PDLIM5: variants seen among roughly 807,000 people sequenced by gnomAD.
The protein encoded by PDLIM5 is PDZ and LIM domain protein 5.
In PDLIM5, 34 loss-of-function variants were observed where a neutral mutation model predicts 64.2. That is an observed-to-expected ratio of 0.53 (90% CI 0.40 to 0.71). PDLIM5 has a LOEUF of 0.71. Ranked by LOEUF, PDLIM5 falls within the 30% of genes least tolerant of loss-of-function variation. PDLIM5 has a pLI of 0.00. For missense variants in PDLIM5, 683 were observed against 733.6 expected (o/e 0.93, Z 0.80); for synonymous variants, 253 against 269.1 (o/e 0.94, Z 0.59).
intron 2 of PDLIM5, among the ~76,000 whole-genome samples, chr4:94,478,084 C>T (rs559924546): frequency 3.0e-4 from 46 of 151,822 alleles, no homozygotes; most frequent in African/African-American, 1.0e-3. Context: ...GGTGAAACCC[C>T]GTCTCTACTA....
chr4:94,608,941 A>C (rs2110369438), intron 7 of PDLIM5, among the ~76,000 whole-genome samples: 1 of 152,302 alleles, frequency 6.6e-6, no homozygotes, highest in South Asian at 2.1e-4. Context: ...ACTTAGCCAT[A>C]CAGTTTAATT....
chr4:94,665,420 G>T lies in PDLIM5; in HGVS notation c.*1353G>T, dbSNP rs953478308. ...TTCTTGAACCCAGGAGACGGAAGTTGCAGTGAGCTGAGATCACACCACTGC... is the reference window on the plus strand; with the variant it reads ...TTCTTGAACCCAGGAGACGGAAGTTTCAGTGAGCTGAGATCACACCACTGC... On this transcript the variant is annotated 3_prime_UTR_variant, in exon 13 of 13. Transcript: ENST00000317968. 1 of 483,280 alleles carries T rather than the reference G, an allele frequency of 2.1e-6. No homozygotes were observed. The highest frequency in any genetic ancestry group is 2.7e-6 in the Non-Finnish European group (1 of 376,972). 29.9% of individuals were successfully genotyped at this position (483,280 alleles called of 1,614,324 possible).
intron 3 of PDLIM5, among the ~76,000 whole-genome samples, chr4:94,565,415 G>A (rs1336769100): frequency 6.6e-6 from 1 of 152,156 alleles, no homozygotes; most frequent in Non-Finnish European, 1.5e-5. Flanking sequence ...TGCTCAGTAT[G>A]CAGCCCCCTG....
chr4:94,638,967 A>G (rs1740787955), intron 8 of PDLIM5, among the ~76,000 whole-genome samples: 1 of 152,248 alleles, frequency 6.6e-6, no homozygotes, highest in Admixed American at 6.5e-5. Context: ...GTAACACATT[A>G]ACAGAAAATT....
chr4:94,606,970 C>G (rs1578460460), intron 7 of PDLIM5, among the ~76,000 whole-genome samples: 1 of 152,284 alleles, frequency 6.6e-6, no homozygotes, highest in East Asian at 1.9e-4. Context: ...AATATGAAAA[C>G]TATTCTTAGG....
intron 3 of PDLIM5, among the ~76,000 whole-genome samples, chr4:94,532,667 T>C (rs1483032794): frequency 6.6e-6 from 1 of 152,152 alleles, no homozygotes; most frequent in Non-Finnish European, 1.5e-5. Context: ...TTCAGTGGTA[T>C]ACTGAGTTGA....
At chr4:94,587,735 A>G in intron 7 of PDLIM5, 1 of 984,260 alleles carries the variant, frequency 1.0e-6, no homozygotes, top group Non-Finnish European at 1.2e-6. Flanking sequence ...ATGGAGAAAT[A>G]CAGTATTCTT....
At chr4:94,490,542 T>A (rs755080403) in intron 2 of PDLIM5, among the ~76,000 whole-genome samples, 1 of 152,156 alleles carries the variant, frequency 6.6e-6, no homozygotes, top group Non-Finnish European at 1.5e-5. Flanking sequence ...GTCAAATTAA[T>A]TGATTTTGGA....
intron 5 of PDLIM5, among the ~76,000 whole-genome samples, chr4:94,583,170 C>T (rs1735876997): frequency 6.6e-6 from 1 of 152,014 alleles, no homozygotes; most frequent in African/African-American, 2.4e-5. Context: ...ATGGTCATCA[C>T]ACTCTGGAGT....
intron 9 of PDLIM5, among the ~76,000 whole-genome samples, chr4:94,640,686 C>A (rs182822338): frequency 7.2e-4 from 109 of 152,172 alleles, no homozygotes; most frequent in African/African-American, 2.5e-3. Context: ...TATCAGTTAT[C>A]AATTCCTATT....
chr4:94,557,739 T>C (rs1286596167), intron 3 of PDLIM5, among the ~76,000 whole-genome samples: 2 of 152,160 alleles, frequency 1.3e-5, no homozygotes, highest in East Asian at 3.8e-4. Flanking sequence ...ATGCTTGTGG[T>C]TTTTGTACAT....
intron 2 of PDLIM5, among the ~76,000 whole-genome samples, chr4:94,466,751 T>C (rs2126086719): frequency 6.6e-6 from 1 of 152,238 alleles, no homozygotes; most frequent in East Asian, 1.9e-4. Context: ...AAGTCTTTTA[T>C]AGAAGTAAAT....
intron 7 of PDLIM5, among the ~76,000 whole-genome samples, chr4:94,599,162 C>T (rs1048637805): frequency 6.6e-6 from 1 of 152,096 alleles, no homozygotes; most frequent in Non-Finnish European, 1.5e-5. Context: ...ACAGATCACC[C>T]TGAATACTAT....
intron 5 of PDLIM5, among the ~76,000 whole-genome samples, chr4:94,585,204 C>T (rs572693365): frequency 3.8e-4 from 58 of 152,210 alleles, no homozygotes; most frequent in African/African-American, 1.2e-3. Context: ...GATTCTCCTG[C>T]GTCAGCCTCC....
chr4:94,565,894 A>G (rs1734277659), intron 3 of PDLIM5, among the ~76,000 whole-genome samples: 1 of 152,214 alleles, frequency 6.6e-6, no homozygotes, highest in Non-Finnish European at 1.5e-5. Context: ...TATATTATGT[A>G]TCTGTATATA....
chr4:94,572,503 G>C (rs913800454), intron 3 of PDLIM5, among the ~76,000 whole-genome samples: 4 of 152,230 alleles, frequency 2.6e-5, no homozygotes, highest in African/African-American at 7.2e-5. Flanking sequence ...AAGATTATAT[G>C]AGATAATTGC....
intron 3 of PDLIM5, among the ~76,000 whole-genome samples, chr4:94,556,225 G>C (rs1329451970): frequency 6.6e-6 from 1 of 152,144 alleles, no homozygotes; most frequent in Non-Finnish European, 1.5e-5. Flanking sequence ...TCCCTACAAA[G>C]GACATGAGCT....
intron 3 of PDLIM5, among the ~76,000 whole-genome samples, chr4:94,530,031 A>G (rs1270311874): frequency 2.0e-5 from 3 of 152,204 alleles, no homozygotes; most frequent in African/African-American, 7.2e-5. Context: ...ACTGGTTTCT[A>G]TGAAAAAGGT....
At chr4:94,557,784 T>C (rs548907222) in intron 3 of PDLIM5, among the ~76,000 whole-genome samples, 142 of 152,224 alleles carry the variant, frequency 9.3e-4, no homozygotes, top group Non-Finnish European at 1.3e-3. Flanking sequence ...TGAAGTTGCT[T>C]ATCAGCTTAA....
Sources: allele counts gnomAD v4.1 joint callset (sites outside exome capture counted in the v4.1 genomes callset), GRCh38; gene constraint gnomAD v4.1.1; transcripts MANE v1.5; gene names NCBI Gene and HGNC (gene_info 2026-07-23, HGNC 2026-07-21).